The following CRYM variants were observed in gnomAD, a reference collection of about 807,000 sequenced individuals.
CRYM encodes ketimine reductase mu-crystallin.
In CRYM, 18 loss-of-function variants were observed where a neutral mutation model predicts 32.9. That is an observed-to-expected ratio of 0.55 (90% CI 0.38 to 0.81). The LOEUF (loss-of-function observed/expected upper bound fraction) is 0.81. Ranked by LOEUF, CRYM falls within the 30% of genes least tolerant of loss-of-function variation. The pLI is 0.00. For synonymous variants in CRYM, 153 were observed against 152.4 expected (o/e 1.00, Z -0.03); for missense variants, 337 against 393.5 (o/e 0.86, Z 1.21).
intron 3 of CRYM, among the ~76,000 whole-genome samples, chr16:21,274,118 C>T (rs1464021727): frequency 6.6e-6 from 1 of 152,220 alleles, no homozygotes; most frequent in African/African-American, 2.4e-5. Flanking sequence ...TGTCCCAAGA[C>T]CTTGTACTTC....
chr16:21,269,940 C>T lies in CRYM; in HGVS notation c.388-49G>A, dbSNP rs781192886. The T allele has an allele frequency of 4.3e-5, 59 of 1,366,080 alleles. No homozygotes were observed. In the Middle Eastern group the frequency reaches 5.4e-4, roughly 12 times the overall value. 84.6% of individuals were successfully genotyped at this position (1,366,080 alleles called of 1,614,324 possible). A position where few individuals can be genotyped will look rare whatever the true frequency, so the allele number is the denominator to read the frequency against. ...AAAGGTCAAGGGAGACCCTAGCAGACGGGTAAAAAACTAAGATGGTTTGAG... is the reference window on the plus strand; with the variant it reads ...AAAGGTCAAGGGAGACCCTAGCAGATGGGTAAAAAACTAAGATGGTTTGAG... On this transcript the variant is annotated intron_variant, in intron 3 of 7. Coordinates refer to ENST00000572914, the MANE Select transcript of CRYM (RefSeq NM_001376256.1).
At chr16:21,298,558 T>C (rs1336214409) in intron 1 of CRYM, among the ~76,000 whole-genome samples, 1 of 152,186 alleles carries the variant, frequency 6.6e-6, no homozygotes, top group African/African-American at 2.4e-5. Flanking sequence ...ATTCCATTCA[T>C]ATAAAGTTCA....
At chr16:21,275,288 C>T (rs879527355) in intron 3 of CRYM, among the ~76,000 whole-genome samples, 5 of 152,174 alleles carry the variant, frequency 3.3e-5, no homozygotes, top group South Asian at 2.1e-4. Context: ...TTTCTCATTT[C>T]GATTCTTCAA....
intron 1 of CRYM, chr16:21,301,408 A>ATGGGTGTGCGCATGGGACGAGG (rs1960925712): frequency 7.4e-6 from 1 of 134,886 alleles, no homozygotes; most frequent in Non-Finnish European, 1.6e-5. Flanking sequence ...AAGGGACGAG[A>ATGGGTGTGCGCATGGGACGAGG]TGGGTGTGCG....
At chr16:21,267,857 A>G in intron 4 of CRYM, 120 bp from the exon 5 acceptor site, 2 of 914,944 alleles carry the variant, frequency 2.2e-6, no homozygotes, top group Non-Finnish European at 3.5e-6. Flanking sequence ...TGGTTATCTA[A>G]ATCACTCCTA....
chr16:21,267,580 C>G lies in CRYM; in HGVS notation c.647G>C (p.Trp216Ser). ...LATEPILFGEWVKPGAHINAV... is the reference protein window; with the variant it reads ...LATEPILFGESVKPGAHINAV... Reference sequence around the variant, plus strand: ...ATTGATGTGAGCCCCTGGCTTCACCCATTCACCAAACAAAATGGGCTCTGT... The same window carrying G: ...ATTGATGTGAGCCCCTGGCTTCACCGATTCACCAAACAAAATGGGCTCTGT... Residue 216 changes from tryptophan (W) to serine (S), a missense_variant, in exon 5 of 8, where the codon TGG becomes TCG. Physicochemically the swap from Trp to Ser is radical, Grantham distance 177. Transcript: ENST00000572914. The G allele has an allele frequency of 1.2e-6, 2 of 1,614,030 alleles. No homozygotes were observed. Among genetic ancestry groups the G allele is most frequent in the Non-Finnish European group, 1.7e-6 (2 of 1,180,022 alleles).
intron 3 of CRYM, among the ~76,000 whole-genome samples, chr16:21,272,434 T>G (rs2093377505): frequency 6.6e-6 from 1 of 152,290 alleles, no homozygotes; most frequent in South Asian, 2.1e-4. Context: ...CCCAAGCTCA[T>G]GTACTTCCTT....
intron 1 of CRYM, among the ~76,000 whole-genome samples, chr16:21,302,728 T>C (rs1016709347): frequency 6.6e-6 from 1 of 152,176 alleles, no homozygotes; most frequent in Non-Finnish European, 1.5e-5. Flanking sequence ...AACTGGGAGA[T>C]AGGGGGACCG....
chr16:21,293,680 C>T (rs926368114), intron 1 of CRYM, among the ~76,000 whole-genome samples: 2 of 152,174 alleles, frequency 1.3e-5, no homozygotes, highest in African/African-American at 4.8e-5. Flanking sequence ...TAACTTCATA[C>T]AGATATTAGC....
At chr16:21,298,298 C>G (rs1045374664) in intron 1 of CRYM, among the ~76,000 whole-genome samples, 1 of 152,180 alleles carries the variant, frequency 6.6e-6, no homozygotes, top group East Asian at 1.9e-4. Flanking sequence ...TAGGTATATA[C>G]CCGAGATACT....
intron 3 of CRYM, 38 bp from the exon 4 acceptor site, chr16:21,269,929 A>G (rs1238654067): frequency 7.0e-7 from 1 of 1,437,540 alleles, no homozygotes; most frequent in African/African-American, 1.4e-5. Flanking sequence ...GTCAAGGGAG[A>G]CCCTAGCAGA....
At chr16:21,296,305 G>A (rs1960787113) in intron 1 of CRYM, among the ~76,000 whole-genome samples, 1 of 152,072 alleles carries the variant, frequency 6.6e-6, no homozygotes, top group African/African-American at 2.4e-5. Context: ...AAAGTGTAAG[G>A]GAAATGGAGA....
chr16:21,294,620 G>A (rs1960746949), intron 1 of CRYM, among the ~76,000 whole-genome samples: 1 of 151,192 alleles, frequency 6.6e-6, no homozygotes, highest in Admixed American at 6.6e-5. Flanking sequence ...TTCTGTTCCT[G>A]TGTTAGTTTG....
At chr16:21,285,125 T>C (rs2093405367) in intron 1 of CRYM, among the ~76,000 whole-genome samples, 1 of 152,252 alleles carries the variant, frequency 6.6e-6, no homozygotes, top group African/African-American at 2.4e-5. Context: ...TTATTTGTTT[T>C]TGGCTTGTTG....
chr16:21,269,640 G>T, intron 4 of CRYM, 150 bp downstream of exon 4: 1 of 619,566 alleles, frequency 1.6e-6, no homozygotes. Flanking sequence ...CTCCATCAGG[G>T]CTTCTGGGAA....
chr16:21,292,744 G>C (rs1178499186), intron 1 of CRYM, among the ~76,000 whole-genome samples: 1 of 151,934 alleles, frequency 6.6e-6, no homozygotes, highest in Non-Finnish European at 1.5e-5. Context: ...TGGATGGATA[G>C]ATAGATAGAT....
At position 21,267,699 on chromosome 16, in the gene CRYM, C is replaced by G; in HGVS notation, c.528G>C (p.Lys176Asn). Residue 176 changes from lysine to asparagine, a missense_variant, in exon 5 of 8, where the codon AAG (lysine) becomes AAC (asparagine). Lys to Asn is a moderately conservative substitution (Grantham distance 94). Coordinates refer to ENST00000572914, the MANE Select transcript of CRYM (RefSeq NM_001376256.1). ...CCTCTCCTTGCACTGTGTCTGCAAA[C>G]TTCTCTGCATTTTCTTTGGTGCGGT... ...IWNRTKENAE[K>N]FADTVQGEVR... The G allele has an allele frequency of 6.2e-7, 1 of 1,614,242 alleles. No individual in the cohort carries two copies. Among genetic ancestry groups the G allele is most frequent in the Non-Finnish European group, 8.5e-7 (1 of 1,180,044 alleles).
rs577293090 is a variant in CRYM, at chr16:21,269,943, G to C, written c.388-52C>G. The C allele has an allele frequency of 1.6e-4, 208 of 1,275,986 alleles. No individual in the cohort carries two copies. In the African/African-American group the frequency reaches 2.8e-3, roughly 17 times the overall value. The allele number at this position is 1,275,986 out of a possible 1,614,324, so 79.0% of individuals were successfully genotyped here. On this transcript the variant is annotated intron_variant, in intron 3 of 7. Transcript: ENST00000572914. Reference sequence around the variant, plus strand: ...GGTCAAGGGAGACCCTAGCAGACGGGTAAAAAACTAAGATGGTTTGAGTAT... The same window carrying C: ...GGTCAAGGGAGACCCTAGCAGACGGCTAAAAAACTAAGATGGTTTGAGTAT...
rs146675703 is a variant in CRYM, at chr16:21,267,585, A to T, written c.642T>A (p.Gly214=). Reference sequence around the variant, plus strand: ...TGTGAGCCCCTGGCTTCACCCATTCACCAAACAAAATGGGCTCTGTTGCCA... The same window carrying T: ...TGTGAGCCCCTGGCTTCACCCATTCTCCAAACAAAATGGGCTCTGTTGCCA... ...VTLATEPILF[G]EWVKPGAHIN... The change falls in exon 5 of 8, where the codon GGT becomes GGA. Residue 214 remains glycine (G), a synonymous_variant. Coordinates refer to ENST00000572914, the MANE Select transcript of CRYM (RefSeq NM_001376256.1). The T allele has an allele frequency of 6.2e-7, 1 of 1,613,870 alleles. No individual in the cohort carries two copies. Among genetic ancestry groups the T allele is most frequent in the African/African-American group, 1.3e-5 (1 of 74,884 alleles).
Sources: allele counts gnomAD v4.1 joint callset (sites outside exome capture counted in the v4.1 genomes callset), GRCh38; gene constraint gnomAD v4.1.1; transcripts MANE v1.5; gene names NCBI Gene and HGNC (gene_info 2026-07-23, HGNC 2026-07-21).